The following GSG1L variants were observed in gnomAD, a reference collection of about 807,000 sequenced individuals.
The protein encoded by GSG1L is germ cell-specific gene 1-like protein.
In GSG1L, 24 loss-of-function variants were observed where a neutral mutation model predicts 42.1. That is an observed-to-expected ratio of 0.57 (90% confidence interval 0.41 to 0.80). The LOEUF (loss-of-function observed/expected upper bound fraction) is 0.80. Ranked by LOEUF, GSG1L falls within the 30% of genes least tolerant of loss-of-function variation. The probability of loss-of-function intolerance (pLI) is 0.00; values close to 1 mark genes in which losing one functional copy is unlikely to be tolerated. For missense variants in GSG1L, 445 were observed against 472.2 expected, an observed-to-expected ratio of 0.94 and a Z score of 0.53; for synonymous variants, 215 against 203.5, an observed-to-expected ratio of 1.06 and a Z score of -0.48.
chr16:27,997,590 C>T (rs943264379), intron 1 of GSG1L, among the ~76,000 whole-genome samples: 4 of 151,978 alleles, frequency 2.6e-5, no homozygotes, highest in Non-Finnish European at 1.5e-5. Context: ...TCCATTTGCA[C>T]CACGTAAGCT....
At chr16:28,037,079 T>C (rs1392848580) in intron 1 of GSG1L, among the ~76,000 whole-genome samples, 2 of 152,128 alleles carry the variant, frequency 1.3e-5, no homozygotes, top group Non-Finnish European at 2.9e-5. Flanking sequence ...CAGGCTGGAG[T>C]GCAGTGGTGT....
At chr16:28,038,030 G>GT (rs2086059976) in intron 1 of GSG1L, among the ~76,000 whole-genome samples, 1 of 152,168 alleles carries the variant, frequency 6.6e-6, no homozygotes, top group South Asian at 2.1e-4. Flanking sequence ...TCTCTCTGCC[G>GT]TAGGTACAAT....
At chr16:27,858,039 T>C (rs2083601971) in intron 3 of GSG1L, among the ~76,000 whole-genome samples, 1 of 152,190 alleles carries the variant, frequency 6.6e-6, no homozygotes, top group Non-Finnish European at 1.5e-5. Context: ...CTCCCAGCAC[T>C]ACCTTCCATC....
chr16:28,031,885 A>C (rs760238918), intron 1 of GSG1L, among the ~76,000 whole-genome samples: 7 of 152,256 alleles, frequency 4.6e-5, no homozygotes, highest in Non-Finnish European at 8.8e-5. Flanking sequence ...CTCCACAGAG[A>C]TCACGCATTT....
chr16:27,959,873 G>A (rs574938901), intron 2 of GSG1L, among the ~76,000 whole-genome samples: 18 of 152,200 alleles, frequency 1.2e-4, no homozygotes, highest in Non-Finnish European at 2.5e-4. Flanking sequence ...GCAGGAATCC[G>A]GATAAAAAAT....
intron 1 of GSG1L, among the ~76,000 whole-genome samples, chr16:28,030,174 C>A (rs1762830242): frequency 6.6e-6 from 1 of 152,224 alleles, no homozygotes; most frequent in Non-Finnish European, 1.5e-5. Flanking sequence ...AGTAGCAGAA[C>A]TTTGATTCTC....
At chr16:27,971,207 G>T (rs2085189405) in intron 1 of GSG1L, among the ~76,000 whole-genome samples, 1 of 152,166 alleles carries the variant, frequency 6.6e-6, no homozygotes, top group Non-Finnish European at 1.5e-5. Flanking sequence ...GAAAGGGATT[G>T]CACTGAATCT....
chr16:27,828,776 C>G lies in GSG1L; in HGVS notation c.830+13G>C. On this transcript the variant is annotated intron_variant, in intron 5 of 6. Coordinates refer to ENST00000447459, the MANE Select transcript of GSG1L (RefSeq NM_001109763.2). ...TCCCCGTGGTGGCCAGAGGTAACCC[C>G]CTGTGCACTGACCTCTCCCGGAAGT... 1.2e-6 allele frequency: 2 copies of G among 1,612,814 alleles called. No homozygotes were observed. The highest frequency in any genetic ancestry group is 1.1e-5 in the South Asian group (1 of 90,994).
intron 3 of GSG1L, among the ~76,000 whole-genome samples, chr16:27,851,274 G>A (rs2140990133): frequency 6.6e-6 from 1 of 152,266 alleles, no homozygotes; most frequent in South Asian, 2.1e-4. Flanking sequence ...ATAGCTCACT[G>A]CAGCCTCAAT....
At chr16:27,912,781 A>G (rs2084406591) in intron 2 of GSG1L, among the ~76,000 whole-genome samples, 1 of 152,186 alleles carries the variant, frequency 6.6e-6, no homozygotes, top group African/African-American at 2.4e-5. Flanking sequence ...TTCTTGCACC[A>G]TAATACAGGT....
intron 4 of GSG1L, among the ~76,000 whole-genome samples, chr16:27,833,439 C>A (rs922554822): frequency 3.3e-5 from 5 of 152,078 alleles, no homozygotes; most frequent in African/African-American, 1.2e-4. Context: ...ATTCATCCTG[C>A]CTTATTCTTC....
At chr16:27,984,242 C>T (rs1596674780) in intron 1 of GSG1L, among the ~76,000 whole-genome samples, 1 of 152,148 alleles carries the variant, frequency 6.6e-6, no homozygotes, top group Non-Finnish European at 1.5e-5. Flanking sequence ...ATCTCAGCTC[C>T]CTTGGACCTT....
intron 6 of GSG1L, among the ~76,000 whole-genome samples, chr16:27,798,830 ATAGCTT>A (rs948284265): frequency 4.6e-5 from 7 of 152,170 alleles, no homozygotes; most frequent in Admixed American, 1.3e-4. Context: ...GAACCATGTC[ATAGCTT>A]TAGCTTGGAG....
Position 27,795,967 on chromosome 16 carries a change from G to C in GSG1L, c.899-4500C>G, listed in dbSNP as rs2082813551. Among the ~76,000 whole-genome samples, 5 of 152,114 alleles carry C rather than the reference G, an allele frequency of 3.3e-5. No individual in the cohort carries two copies. In the South Asian group the frequency reaches 1.0e-3, roughly 32 times the overall value. ...TTCCAAAATGGATTCATTGGGTTGG[G>C]AGGGCCCTTCAAGACCAGGAACGTC... is the stretch of plus-strand genomic sequence containing the variant. On this transcript the variant is annotated intron_variant, in intron 6 of 6. Coordinates refer to ENST00000447459, the MANE Select transcript of GSG1L (RefSeq NM_001109763.2).
At chr16:28,041,986 G>A (rs1406665363) in intron 1 of GSG1L, among the ~76,000 whole-genome samples, 2 of 152,214 alleles carry the variant, frequency 1.3e-5, no homozygotes. Context: ...GTGGAGAAAC[G>A]TGGGAATAGT....
At chr16:27,940,981 TA>T (rs1445591953) in intron 2 of GSG1L, among the ~76,000 whole-genome samples, 2 of 152,100 alleles carry the variant, frequency 1.3e-5, no homozygotes, top group Non-Finnish European at 2.9e-5. Context: ...ATATTTACCT[TA>T]AACCATCTAT....
intron 2 of GSG1L, among the ~76,000 whole-genome samples, chr16:27,916,011 C>T (rs930241395): frequency 6.6e-6 from 1 of 152,160 alleles, no homozygotes; most frequent in Admixed American, 6.5e-5. Context: ...CATGACGGGC[C>T]ACTAAAGGAG....
chr16:27,856,765 G>A (rs969970373), intron 3 of GSG1L, among the ~76,000 whole-genome samples: 6 of 152,188 alleles, frequency 3.9e-5, no homozygotes, highest in African/African-American at 1.2e-4. Flanking sequence ...GAGAAAATGC[G>A]AAGTGAACAT....
chr16:27,894,618 C>T (rs576412985), intron 2 of GSG1L, among the ~76,000 whole-genome samples: 4 of 152,214 alleles, frequency 2.6e-5, no homozygotes, highest in South Asian at 2.1e-4. Flanking sequence ...GGGCTGGCAA[C>T]GTCTCTGTGG....
Sources: allele counts gnomAD v4.1 joint callset (sites outside exome capture counted in the v4.1 genomes callset), GRCh38; gene constraint gnomAD v4.1.1; transcripts MANE v1.5; gene names NCBI Gene and HGNC (gene_info 2026-07-23, HGNC 2026-07-21).